The following AGAP1 variants were observed in gnomAD, a reference collection of about 807,000 sequenced individuals.
AGAP1 encodes ArfGAP with GTPase domain, ankyrin repeat and PH domain 1.
AGAP1 carries 29 observed loss-of-function variants against 105.3 expected under a neutral mutation model. That is an observed-to-expected ratio of 0.28 (90% confidence interval 0.21 to 0.38). The LOEUF is 0.38. Ranked by LOEUF, AGAP1 falls within the 10% of genes least tolerant of loss-of-function variation. The pLI is 1.00. For synonymous variants in AGAP1, 509 were observed against 485.9 expected (o/e 1.05, Z -0.63); for missense variants, 998 against 1,165.1 (o/e 0.86, Z 2.09).
chr2:235,671,865 G>A (rs2149363326), intron 1 of AGAP1, among the ~76,000 whole-genome samples: 2 of 152,202 alleles, frequency 1.3e-5, no homozygotes, highest in South Asian at 4.2e-4. Context: ...TTAACCTTTT[G>A]GTAGCATTTC....
At chr2:235,975,672 C>G (rs1033988899) in intron 13 of AGAP1, among the ~76,000 whole-genome samples, 1 of 152,190 alleles carries the variant, frequency 6.6e-6, no homozygotes, top group African/African-American at 2.4e-5. Flanking sequence ...GGGGCTTTCA[C>G]ATTGAATTCT....
At chr2:235,598,833 A>T (rs1203603078) in intron 1 of AGAP1, among the ~76,000 whole-genome samples, 1 of 152,138 alleles carries the variant, frequency 6.6e-6, no homozygotes, top group Non-Finnish European at 1.5e-5. Flanking sequence ...TTTATTTTTT[A>T]AGATAATTTA....
rs1259188859 is a variant in AGAP1, at chr2:236,100,894, T to C, written c.2115-19298T>C. Among the ~76,000 whole-genome samples, 10 of 152,084 alleles carry C rather than the reference T, an allele frequency of 6.6e-5. No homozygotes were observed. The East Asian group carries it at 1.7e-3, about 26-fold the overall frequency. On this transcript the variant is annotated intron_variant, in intron 16 of 17. Coordinates refer to ENST00000304032, the MANE Select transcript of AGAP1 (RefSeq NM_001037131.3). ...CAACTGTTGTGCATTTGTTGGATTT[T>C]CTCTGGAAACGCCATCCAGTCTGTA... is the stretch of plus-strand genomic sequence containing the variant.
chr2:236,097,872 G>A (rs1019131918), intron 16 of AGAP1, among the ~76,000 whole-genome samples: 2 of 151,996 alleles, frequency 1.3e-5, no homozygotes, highest in Admixed American at 6.6e-5. Flanking sequence ...ATGAAATGAC[G>A]ACTCCCGACT....
At chr2:235,648,708 C>CAA (rs200700617) in intron 1 of AGAP1, among the ~76,000 whole-genome samples, 5 of 132,180 alleles carry the variant, frequency 3.8e-5, no homozygotes, top group African/African-American at 8.3e-5. Flanking sequence ...CCCATCTCTA[C>CAA]AAAAAAAAAA....
chr2:235,871,938 G>A (rs1328845272), intron 9 of AGAP1, among the ~76,000 whole-genome samples: 2 of 152,186 alleles, frequency 1.3e-5, no homozygotes, highest in Non-Finnish European at 2.9e-5. Context: ...AATGGGAGCC[G>A]TCTTTGGAGA....
Position 235,882,450 on chromosome 2 carries a change from C to G in AGAP1, c.1051-895C>G, listed in dbSNP as rs879145791. ...CGTCTCCGTTTTCTTCAGCTTGGCC[C>G]TATTGAAGCTGGCGATTCCCCCCAC... On this transcript the variant is annotated intron_variant, in intron 9 of 17. Coordinates refer to ENST00000304032, the MANE Select transcript of AGAP1 (RefSeq NM_001037131.3). This position sits in a 1 kb window ranked among gnomAD's most constrained non-coding sequence, Gnocchi z 4.6. The G allele has an allele frequency of 6.3e-7, 1 of 1,585,532 alleles. No individual in the cohort carries two copies. Among genetic ancestry groups the G allele is most frequent in the African/African-American group, 1.3e-5 (1 of 74,262 alleles).
intron 6 of AGAP1, among the ~76,000 whole-genome samples, chr2:235,795,106 T>G (rs2150029847): frequency 6.6e-6 from 1 of 152,228 alleles, no homozygotes; most frequent in South Asian, 2.1e-4. Flanking sequence ...CTTTGAGTTG[T>G]TTTTTTGGGG....
rs1951523099 is a variant in AGAP1 at position 235,723,997 on chromosome 2, G to A, written c.310+6353G>A. Among the ~76,000 whole-genome samples the A allele has an allele frequency of 6.6e-6, 1 of 152,216 alleles. No homozygotes were observed. The highest frequency in any genetic ancestry group is 2.1e-4 in the South Asian group (1 of 4,836). On this transcript the variant is annotated intron_variant, in intron 3 of 17. Transcript: ENST00000304032. This position sits in a 1 kb window ranked among gnomAD's most constrained non-coding sequence, Gnocchi z 6.2. ...GCCCAGCGGCTGCCTGCGAGGGTCAGTGGTGTCGTAGCCTGCTGCCGCCAC... is the reference window on the plus strand; with the variant it reads ...GCCCAGCGGCTGCCTGCGAGGGTCAATGGTGTCGTAGCCTGCTGCCGCCAC...
rs1370321498 is a variant in AGAP1 at position 235,867,431 on chromosome 2, A to G, written c.1051-15914A>G. The stretch of plus-strand genomic sequence containing the variant: ...AGCTTGCCGGCCCCAGTCCCGTAGG[A>G]TCCCCAACGCTAATAGTCTGGATGA... On this transcript the variant is annotated intron_variant, in intron 9 of 17. Coordinates refer to ENST00000304032, the MANE Select transcript of AGAP1 (RefSeq NM_001037131.3). The surrounding 1 kb of genome is among the most constrained non-coding windows in gnomAD (Gnocchi z 5.4). 2.6e-5 allele frequency among the ~76,000 whole-genome samples: 4 copies of G among 152,152 alleles called. No homozygotes were observed. The highest frequency in any genetic ancestry group is 5.9e-5 in the Non-Finnish European group (4 of 68,020).
rs781346665 is a variant in AGAP1, at chr2:235,976,847, A to G, written c.1645+8224A>G. On this transcript the variant is annotated intron_variant, in intron 13 of 17. Coordinates refer to ENST00000304032, the MANE Select transcript of AGAP1 (RefSeq NM_001037131.3). The surrounding 1 kb of genome is among the most constrained non-coding windows in gnomAD (Gnocchi z 4.5). The stretch of plus-strand genomic sequence containing the variant: ...AAATATCTGCTATTCCAAGGAGGAA[A>G]AAAGGAAAAAATCTGAAAAGTCAAA... Among the ~76,000 whole-genome samples the G allele has an allele frequency of 2.6e-5, 4 of 152,228 alleles. No homozygotes were observed. The highest frequency in any genetic ancestry group is 4.4e-5 in the Non-Finnish European group (3 of 68,038).
Position 235,609,392 on chromosome 2 carries a change from T to G in AGAP1, c.164-99787T>G, listed in dbSNP as rs1055850848. Among the ~76,000 whole-genome samples the G allele has an allele frequency of 2.6e-5, 4 of 152,064 alleles. No individual in the cohort carries two copies. The highest frequency in any genetic ancestry group is 9.7e-5 in the African/African-American group (4 of 41,396). ...AGAGCTTCAGAATGAGCGGGAAGCC[T>G]CCACAACAGGTGGAGAAAATAGCAA... On this transcript the variant is annotated intron_variant, in intron 1 of 17. Coordinates refer to ENST00000304032, the MANE Select transcript of AGAP1 (RefSeq NM_001037131.3). This position sits in a 1 kb window ranked among gnomAD's most constrained non-coding sequence, Gnocchi z 5.1.
At chr2:235,926,812 C>T (rs537058384) in intron 11 of AGAP1, among the ~76,000 whole-genome samples, 1 of 152,226 alleles carries the variant, frequency 6.6e-6, no homozygotes, top group South Asian at 2.1e-4. Context: ...CAGGTGTGAG[C>T]CTGGGCAACC....
Position 235,893,554 on chromosome 2 carries a change from C to A in AGAP1, c.1155+10105C>A, listed in dbSNP as rs943265796. 3.3e-5 allele frequency among the ~76,000 whole-genome samples: 5 copies of A among 151,970 alleles called. No homozygotes were observed. The highest frequency in any genetic ancestry group is 5.9e-5 in the Non-Finnish European group (4 of 67,984). On this transcript the variant is annotated intron_variant, in intron 10 of 17. Transcript: ENST00000304032. The surrounding 1 kb of genome is among the most constrained non-coding windows in gnomAD (Gnocchi z 4.7). ...CACCATGTCTGTGGTGCGGGTGTGC[C>A]GTGTCCATCATGAGGGTGCGCCGTG...
At chr2:235,670,690 C>T in intron 1 of AGAP1, 1 of 713,044 alleles carries the variant, frequency 1.4e-6, no homozygotes, top group Non-Finnish European at 2.4e-6. Flanking sequence ...CCCTGGAGCC[C>T]GCGACCGCCA....
At chr2:235,669,962 C>G (rs2149354559) in intron 1 of AGAP1, 1 of 199,172 alleles carries the variant, frequency 5.0e-6, no homozygotes, top group East Asian at 1.2e-4. Flanking sequence ...GGCGCCGTCC[C>G]CGCAGCCTGA....
intron 1 of AGAP1, among the ~76,000 whole-genome samples, chr2:235,591,044 C>G (rs1945322613): frequency 6.6e-6 from 1 of 151,628 alleles, no homozygotes. Flanking sequence ...TTGAGACAGT[C>G]TCGCTCTGTT....
At chr2:236,107,197 A>G (rs2059519793) in intron 16 of AGAP1, among the ~76,000 whole-genome samples, 1 of 151,040 alleles carries the variant, frequency 6.6e-6, no homozygotes, top group Non-Finnish European at 1.5e-5. Flanking sequence ...CCAGAGGGAA[A>G]ACTGAAGCCT....
At position 235,853,725 on chromosome 2, in the gene AGAP1, T is replaced by C. The variant is rs1454851905; in HGVS notation, c.1051-29620T>C. On this transcript the variant is annotated intron_variant, in intron 9 of 17. Coordinates refer to ENST00000304032, the MANE Select transcript of AGAP1 (RefSeq NM_001037131.3). ...GGGAGTAAAGTATGATAAGTGCATCTACAAGTGCTGAAATTTGTAGAACAA... is the reference window on the plus strand; with the variant it reads ...GGGAGTAAAGTATGATAAGTGCATCCACAAGTGCTGAAATTTGTAGAACAA... 2.6e-5 allele frequency among the ~76,000 whole-genome samples: 4 copies of C among 152,172 alleles called. No individual in the cohort carries two copies. In the East Asian group the frequency reaches 7.7e-4, roughly 29 times the overall value.
Sources: gnomAD v4.1 joint callset for allele counts (sites outside exome capture counted in the v4.1 genomes callset) on GRCh38, gnomAD v4.1.1 for gene constraint, Gnocchi (gnomAD v3.1) non-coding constraint, MANE v1.5 for transcripts, NCBI Gene and HGNC (gene_info 2026-07-23, HGNC 2026-07-21) for gene names.